The following PLA2G4A variants were observed in gnomAD, a reference collection of about 807,000 sequenced individuals.
PLA2G4A encodes cytosolic phospholipase A2.
In PLA2G4A, 40 loss-of-function variants were observed where a neutral mutation model predicts 81.9. The observed-to-expected ratio is 0.49, with a 90% CI of 0.38 to 0.64. PLA2G4A has a LOEUF of 0.64. Ranked by LOEUF, PLA2G4A falls within the 30% of genes least tolerant of loss-of-function variation. The pLI is 0.00. For missense variants in PLA2G4A, 715 were observed against 905.1 expected, an observed-to-expected ratio of 0.79 and a Z score of 2.69; for synonymous variants, 302 against 296.9, an observed-to-expected ratio of 1.02 and a Z score of -0.18.
At position 186,911,940 on chromosome 1, in the gene PLA2G4A, G is replaced by A. The variant is rs138867187; in HGVS notation, c.558+551G>A. ...TGGGCAGTTGGAGGGGGAGGTGGGA[G>A]TCTTGAAGTCTGAAAGTAGGAGAAC... On this transcript the variant is annotated intron_variant, in intron 7 of 17. Transcript: ENST00000367466. Among the ~76,000 whole-genome samples, 264 of 152,212 alleles carry A rather than the reference G, an allele frequency of 1.7e-3. 3 individuals carry two copies. Among genetic ancestry groups the A allele is most frequent in the African/African-American group, 6.1e-3 (253 of 41,524 alleles).
At chr1:186,980,673 A>G (rs1657691069) in intron 17 of PLA2G4A, among the ~76,000 whole-genome samples, 1 of 152,080 alleles carries the variant, frequency 6.6e-6, no homozygotes, top group African/African-American at 2.4e-5. Flanking sequence ...AACTCCACAC[A>G]TCTAGTTTGC....
intron 3 of PLA2G4A, chr1:186,870,754 C>T (rs1467931755): frequency 1.3e-6 from 2 of 1,537,054 alleles, no homozygotes; most frequent in East Asian, 2.3e-5. Context: ...CGTAAGAGTG[C>T]CCTTATTTTC....
rs1415056483 is a variant in PLA2G4A at position 186,979,405 on chromosome 1, A to T, written c.2051A>T (p.Gln684Leu). Residue 684 changes from glutamine to leucine, a missense_variant, in exon 17 of 18, where the codon CAA (glutamine) becomes CTA (leucine). Transcript: ENST00000367466. The part of the protein sequence containing the change: ...PESPFSTFNF[Q>L]YPNQAFKRLH... Reference sequence around the variant, plus strand: ...TCACCATTTTCAACCTTCAATTTTCAATATCCAAATCAAGCATTCAAAAGA... The same window carrying T: ...TCACCATTTTCAACCTTCAATTTTCTATATCCAAATCAAGCATTCAAAAGA... 6.2e-7 allele frequency: 1 copy of T among 1,602,488 alleles called. No individual in the cohort carries two copies.
At chr1:186,964,088 A>G (rs887788343) in intron 14 of PLA2G4A, among the ~76,000 whole-genome samples, 1 of 152,226 alleles carries the variant, frequency 6.6e-6, no homozygotes, top group Non-Finnish European at 1.5e-5. Flanking sequence ...GCATGTATGT[A>G]TGTACATAGG....
intron 17 of PLA2G4A, among the ~76,000 whole-genome samples, chr1:186,982,944 C>A (rs1355404387): frequency 6.6e-6 from 1 of 151,800 alleles, no homozygotes; most frequent in Non-Finnish European, 1.5e-5. Flanking sequence ...ATTAGCTGGG[C>A]GTGGTGGCAG....
chr1:186,878,958 G>A (rs190343258), intron 3 of PLA2G4A, among the ~76,000 whole-genome samples: 5 of 151,912 alleles, frequency 3.3e-5, no homozygotes, highest in Non-Finnish European at 7.4e-5. Flanking sequence ...GAATACCTCT[G>A]CTGCTCTAAA....
At chr1:186,845,888 G>C (rs1652154142) in intron 1 of PLA2G4A, among the ~76,000 whole-genome samples, 1 of 152,114 alleles carries the variant, frequency 6.6e-6, no homozygotes, top group Admixed American at 6.6e-5. Context: ...TCTCATTCAT[G>C]TTCTGAAAGT....
At chr1:186,925,323 C>G (rs78930818) in intron 7 of PLA2G4A, among the ~76,000 whole-genome samples, 3 of 152,176 alleles carry the variant, frequency 2.0e-5, no homozygotes, top group Non-Finnish European at 2.9e-5. Flanking sequence ...TACTTGTCTT[C>G]CCTCTTCCCA....
In PLA2G4A at chr1:186,914,863, A is replaced by G. The variant is rs11802050; in HGVS notation, c.558+3474A>G. The stretch of plus-strand genomic sequence containing the variant: ...CCTCCCCATTTGAGACTCTCACTCA[A>G]TAGTGGGAGTTCTCACTTTCATTTT... On this transcript the variant is annotated intron_variant, in intron 7 of 17. Transcript: ENST00000367466. Among the ~76,000 whole-genome samples, 262 of 152,258 alleles carry G rather than the reference A, an allele frequency of 1.7e-3. 3 individuals are homozygous for G. Among genetic ancestry groups the G allele is most frequent in the African/African-American group, 6.1e-3 (253 of 41,532 alleles).
At chr1:186,909,122 A>C (rs968720569) in intron 6 of PLA2G4A, among the ~76,000 whole-genome samples, 27 of 149,800 alleles carry the variant, frequency 1.8e-4, no homozygotes, top group Non-Finnish European at 3.6e-4. Flanking sequence ...TACAGGCGCC[A>C]GCCACCACGC....
At chr1:186,835,398 A>G (rs1017667890) in intron 1 of PLA2G4A, among the ~76,000 whole-genome samples, 3 of 152,222 alleles carry the variant, frequency 2.0e-5, no homozygotes, top group Admixed American at 6.5e-5. Context: ...TATTTGATGC[A>G]ATATTATGAA....
chr1:186,836,844 T>C (rs1311468046), intron 1 of PLA2G4A, among the ~76,000 whole-genome samples: 1 of 152,008 alleles, frequency 6.6e-6, no homozygotes, highest in Non-Finnish European at 1.5e-5. Flanking sequence ...GATAATAAAT[T>C]ATAAAAGAAA....
chr1:186,975,554 A>G (rs1204642799), intron 15 of PLA2G4A, among the ~76,000 whole-genome samples: 2 of 152,234 alleles, frequency 1.3e-5, no homozygotes, highest in Non-Finnish European at 2.9e-5. Context: ...CAGCAATCCT[A>G]TGAGAAAGGC....
rs768335665 is a variant in PLA2G4A at position 186,965,509 on chromosome 1, G to A, written c.1680G>A (p.Leu560=). The change falls in exon 15 of 18, where the codon TTG becomes TTA. Residue 560 remains leucine, a synonymous_variant. Transcript: ENST00000367466. The part of the protein sequence containing the change: ...SGLTFNLPYP[L]ILRPQRGVDL... ...TCACATTTAACCTGCCGTATCCCTT[G>A]ATACTGAGACCTCAGAGAGGGGTTG... 3.7e-6 allele frequency: 6 copies of A among 1,612,640 alleles called. No individual in the cohort carries two copies. The Admixed American group carries it at 1.0e-4, about 27-fold the overall frequency.
intron 5 of PLA2G4A, among the ~76,000 whole-genome samples, chr1:186,903,190 T>C (rs1654610473): frequency 6.6e-6 from 1 of 152,080 alleles, no homozygotes; most frequent in African/African-American, 2.4e-5. Flanking sequence ...TCTTGAAAGA[T>C]GTGAATAATG....
intron 7 of PLA2G4A, among the ~76,000 whole-genome samples, chr1:186,920,620 T>A (rs560854362): frequency 6.6e-6 from 1 of 152,210 alleles, no homozygotes; most frequent in Non-Finnish European, 1.5e-5. Context: ...TTCCTTCAGT[T>A]GGGGACACTT....
At chr1:186,964,278 T>C (rs1420455150) in intron 14 of PLA2G4A, among the ~76,000 whole-genome samples, 1 of 152,230 alleles carries the variant, frequency 6.6e-6, no homozygotes, top group Non-Finnish European at 1.5e-5. Flanking sequence ...TTCAAACCAG[T>C]TCAATTCTGG....
chr1:186,903,776 T>G (rs1392335926), intron 5 of PLA2G4A, among the ~76,000 whole-genome samples: 2 of 152,216 alleles, frequency 1.3e-5, no homozygotes, highest in Non-Finnish European at 2.9e-5. Context: ...AGTTGTATAA[T>G]TATTTCATTA....
chr1:186,876,138 T>C (rs1411203316), intron 3 of PLA2G4A, among the ~76,000 whole-genome samples: 1 of 152,124 alleles, frequency 6.6e-6, no homozygotes, highest in Non-Finnish European at 1.5e-5. Context: ...GCAACAGTTC[T>C]GATGTGGGCC....
Sources: allele counts gnomAD v4.1 joint callset (sites outside exome capture counted in the v4.1 genomes callset), GRCh38; gene constraint gnomAD v4.1.1; transcripts MANE v1.5; gene names NCBI Gene and HGNC (gene_info 2026-07-23, HGNC 2026-07-21).